Variants in ANTXRL observed in about 807,000 individuals in gnomAD.
ANTXRL encodes the protein ANTXR like.
In ANTXRL, 63 loss-of-function variants were observed where a neutral mutation model predicts 75.4. The observed-to-expected ratio is 0.84, with a 90% CI of 0.68 to 1.03. ANTXRL has a LOEUF of 1.03. ANTXRL is among the 50% of genes least tolerant of loss of function. The pLI is 0.00. For missense variants in ANTXRL, 797 were observed against 789.4 expected (o/e 1.01, Z -0.12); for synonymous variants, 335 against 291.3 (o/e 1.15, Z -1.53).
rs189296033 is a variant in ANTXRL, at chr10:46,296,280, C to A, written c.508+28C>A. On this transcript the variant is annotated intron_variant, in intron 5 of 16. Coordinates refer to ENST00000620264, the MANE Select transcript of ANTXRL (RefSeq NM_001278688.3). ...AAGCACCTGCCGTCCCCCTGGTGGTCCTGTAGGGGGAACAGAGCTGGGTGT... is the reference window on the plus strand; with the variant it reads ...AAGCACCTGCCGTCCCCCTGGTGGTACTGTAGGGGGAACAGAGCTGGGTGT... 2.8e-3 allele frequency: 4,287 copies of A among 1,534,732 alleles called. 18 individuals carry two copies. The highest frequency in any genetic ancestry group is 6.5e-3 in the South Asian group (544 of 84,004).
In ANTXRL at chr10:46,329,586, C is replaced by T; in HGVS notation, c.1411-13C>T. 1 of 1,532,624 alleles carries T rather than the reference C, an allele frequency of 6.5e-7. No individual in the cohort carries two copies. The highest frequency in any genetic ancestry group is 1.2e-5 in the South Asian group (1 of 83,856). 94.9% of individuals were successfully genotyped at this position (1,532,624 alleles called of 1,614,324 possible). A position where few individuals can be genotyped will look rare whatever the true frequency, so the allele number is the denominator to read the frequency against. Reference sequence around the variant, plus strand: ...CCATCACGGTGACCTTCTCTCTCTTCTCTTCCCTACAGGGGAGGTACCTCA... The same window carrying T: ...CCATCACGGTGACCTTCTCTCTCTTTTCTTCCCTACAGGGGAGGTACCTCA... On this transcript the variant is annotated splice_polypyrimidine_tract_variant and intron_variant, in intron 16 of 16. Coordinates refer to ENST00000620264, the MANE Select transcript of ANTXRL (RefSeq NM_001278688.3).
intron 2 of ANTXRL, among the ~76,000 whole-genome samples, chr10:46,293,455 TGTGTGA>T (rs1554957356): frequency 2.1e-5 from 2 of 96,162 alleles, no homozygotes; most frequent in African/African-American, 3.2e-5. Context: ...TATGGGTGCA[TGTGTGA>T]GTGTGTGTGT....
intron 14 of ANTXRL, among the ~76,000 whole-genome samples, chr10:46,311,209 CA>C (rs1554963394): frequency 6.6e-6 from 1 of 152,106 alleles, no homozygotes; most frequent in Non-Finnish European, 1.5e-5. Flanking sequence ...GCTGCATCTG[CA>C]ACCAGGTGGA....
At chr10:46,292,580 G>T (rs1447830397) in intron 2 of ANTXRL, among the ~76,000 whole-genome samples, 1 of 152,146 alleles carries the variant, frequency 6.6e-6, no homozygotes, top group African/African-American at 2.4e-5. Flanking sequence ...AAAGACAGGG[G>T]ACCTGTGGTG....
At position 46,293,507 on chromosome 10, in the gene ANTXRL, C is replaced by T. The variant is rs1485795651; in HGVS notation, c.321-322C>T. 8.0e-5 allele frequency among the ~76,000 whole-genome samples: 7 copies of T among 87,810 alleles called. No homozygotes were observed. The South Asian group carries it at 1.5e-3, about 19-fold the overall frequency. 57.6% of individuals were successfully genotyped at this position (87,810 alleles called of 152,430 possible). A position where few individuals can be genotyped will look rare whatever the true frequency, so the allele number is the denominator to read the frequency against. On this transcript the variant is annotated intron_variant, in intron 2 of 16. Transcript: ENST00000620264. Reference sequence around the variant, plus strand: ...GTGGGTGTTTGTGTGGTGTGTGCACCTGTGTGTGTGTGTGCCTCTGTGTGT... The same window carrying T: ...GTGGGTGTTTGTGTGGTGTGTGCACTTGTGTGTGTGTGTGCCTCTGTGTGT...
intron 16 of ANTXRL, among the ~76,000 whole-genome samples, chr10:46,325,101 C>T (rs754880493): frequency 6.6e-6 from 1 of 151,220 alleles, no homozygotes; most frequent in African/African-American, 2.4e-5. Context: ...GGATTCCCAG[C>T]TTACATCTTG....
At chr10:46,288,934 C>T (rs1235522035) in intron 1 of ANTXRL, among the ~76,000 whole-genome samples, 5 of 152,112 alleles carry the variant, frequency 3.3e-5, no homozygotes, top group South Asian at 2.1e-4. Context: ...GGGCATTGCC[C>T]CATTCTAAGG....
At chr10:46,291,988 G>C in intron 1 of ANTXRL, 70 bp from the exon 2 acceptor site, 1 of 1,418,322 alleles carries the variant, frequency 7.1e-7, no homozygotes, top group Non-Finnish European at 9.6e-7. Flanking sequence ...GGGAGGCTGG[G>C]GGCGGGGCAG....
chr10:46,317,715 A>G (rs1264948833), intron 16 of ANTXRL, among the ~76,000 whole-genome samples: 1 of 149,846 alleles, frequency 6.7e-6, no homozygotes, highest in Non-Finnish European at 1.5e-5. Flanking sequence ...CCCAAAACAC[A>G]TGCACACACA....
At chr10:46,302,583 G>A (rs146496457) in intron 9 of ANTXRL, 139 bp from the exon 10 acceptor site, 2 of 639,874 alleles carry the variant, frequency 3.1e-6, no homozygotes, top group Non-Finnish European at 5.5e-6. Context: ...ACACATAGAT[G>A]TTGGTTCAGA....
chr10:46,323,800 G>C (rs1164287154), intron 16 of ANTXRL, among the ~76,000 whole-genome samples: 1 of 152,086 alleles, frequency 6.6e-6, no homozygotes, highest in Non-Finnish European at 1.5e-5. Context: ...GCTGTCATAA[G>C]GCCAGTTTCA....
At chr10:46,304,797 C>T (rs1468145543) in intron 10 of ANTXRL, among the ~76,000 whole-genome samples, 8 of 152,178 alleles carry the variant, frequency 5.3e-5, no homozygotes, top group Non-Finnish European at 1.2e-4. Context: ...AGGCGATCTG[C>T]CTTCTGCCTC....
Position 46,329,978 on chromosome 10 carries a change from C to A in ANTXRL, c.1790C>A (p.Ala597Asp). ...TCSSRCRLPP[A>D]RCLRPPSRML... The stretch of plus-strand genomic sequence containing the variant: ...TCCTCCAGGTGCCGCCTCCCCCCAG[C>A]TAGGTGCTTGAGGCCTCCCTCCAGG... The change falls in exon 17 of 17, where the codon GCT (alanine) becomes GAT (aspartate). Residue 597 changes from alanine to aspartate, a missense_variant. By Grantham distance (126) the Ala-to-Asp change is moderately radical. Coordinates refer to ENST00000620264, the MANE Select transcript of ANTXRL (RefSeq NM_001278688.3). The A allele has an allele frequency of 3.9e-6, 6 of 1,535,632 alleles. No homozygotes were observed. The highest frequency in any genetic ancestry group is 5.2e-6 in the Non-Finnish European group (6 of 1,146,674).
At chr10:46,286,764 C>T (rs1554955276), upstream of ANTXRL, among the ~76,000 whole-genome samples, 2 of 152,166 alleles carry the variant, frequency 1.3e-5, no homozygotes, top group Non-Finnish European at 2.9e-5. Flanking sequence ...CAGTCCTTGA[C>T]CTCCTCACCC....
intron 16 of ANTXRL, among the ~76,000 whole-genome samples, chr10:46,322,993 A>G (rs1226749214): frequency 6.6e-6 from 1 of 152,126 alleles, no homozygotes; most frequent in Non-Finnish European, 1.5e-5. Context: ...AGCAGAAAGG[A>G]GTTTATCTAT....
chr10:46,291,623 C>T (rs1377195344), intron 1 of ANTXRL, among the ~76,000 whole-genome samples: 4 of 152,112 alleles, frequency 2.6e-5, no homozygotes, highest in Non-Finnish European at 4.4e-5. Flanking sequence ...ATTTCTTTAG[C>T]TTCCTTGTTT....
rs527923960 is a variant in ANTXRL at position 46,314,740 on chromosome 10, C to A, written c.1410+1424C>A. Among the ~76,000 whole-genome samples, 3 of 151,918 alleles carry A rather than the reference C, an allele frequency of 2.0e-5. No homozygotes were observed. In the South Asian group the frequency reaches 6.2e-4, roughly 32 times the overall value. The stretch of plus-strand genomic sequence containing the variant: ...CTGTCATCATGTGAAGTCCACCTTG[C>A]GATTCTTGGAAAAGGAGAGACAATC... On this transcript the variant is annotated intron_variant, in intron 16 of 16. Transcript: ENST00000620264.
At chr10:46,310,180 G>A (rs1554963073) in intron 13 of ANTXRL, among the ~76,000 whole-genome samples, 1 of 152,090 alleles carries the variant, frequency 6.6e-6, no homozygotes, top group African/African-American at 2.4e-5. Context: ...AAGGACACTT[G>A]TAGGGGCTGG....
At chr10:46,311,179 T>C (rs1383200715) in intron 14 of ANTXRL, among the ~76,000 whole-genome samples, 2 of 152,068 alleles carry the variant, frequency 1.3e-5, no homozygotes, top group Non-Finnish European at 2.9e-5. Context: ...TCTGCGGTGC[T>C]GCAGAGTGGT....
Sources: allele counts gnomAD v4.1 joint callset (sites outside exome capture counted in the v4.1 genomes callset), GRCh38; gene constraint gnomAD v4.1.1; transcripts MANE v1.5; gene names NCBI Gene and HGNC (gene_info 2026-07-23, HGNC 2026-07-21).